The following KDM4B variants were observed in gnomAD, a reference collection of about 807,000 sequenced individuals.
KDM4B encodes lysine demethylase 4B, also known as lysine-specific demethylase 4B.
Under a neutral mutation model 125.2 loss-of-function variants are expected in KDM4B, and 32 were observed. That is an observed-to-expected ratio of 0.26 (90% CI 0.19 to 0.34). KDM4B has a LOEUF of 0.34. Among genes scored for constraint, KDM4B ranks in the 10% least tolerant of loss-of-function variants. The probability of loss-of-function intolerance (pLI) is 1.00; values close to 1 mark genes in which losing one functional copy is unlikely to be tolerated. For synonymous variants in KDM4B, 721 were observed against 677.9 expected (o/e 1.06, Z -0.99); for missense variants, 1,190 against 1,577.7 (o/e 0.75, Z 4.16).
At chr19:5,095,634 T>C (rs972632300) in intron 9 of KDM4B, among the ~76,000 whole-genome samples, 1 of 151,830 alleles carries the variant, frequency 6.6e-6, no homozygotes, top group Non-Finnish European at 1.5e-5. Context: ...CGCAAGGGGC[T>C]GGCCAGGGCA....
intron 9 of KDM4B, among the ~76,000 whole-genome samples, chr19:5,102,646 G>A (rs920647871): frequency 1.3e-5 from 2 of 152,170 alleles, no homozygotes; most frequent in African/African-American, 2.4e-5. Context: ...CACCACAGCA[G>A]GGAATCGAGG....
chr19:5,131,768 C>A, intron 12 of KDM4B, 119 bp from the exon 13 acceptor site: 1 of 1,258,880 alleles, frequency 7.9e-7, no homozygotes, highest in Non-Finnish European at 1.1e-6. Context: ...TTTGCTGGGA[C>A]AGTCACCCCA....
rs1484389938 is a variant in KDM4B at position 5,081,907 on chromosome 19, C to T, written c.781-460C>T. ...AAGCTGCTGTCAGCACCACCCGCCC[C>T]GAAACCAGCCCCAGCTGCTTCAGGA... On this transcript the variant is annotated intron_variant, in intron 8 of 22. Coordinates refer to ENST00000159111, the MANE Select transcript of KDM4B (RefSeq NM_015015.3). The surrounding 1 kb of genome is among the most constrained non-coding windows in gnomAD (Gnocchi z 4.2). 6.6e-6 allele frequency among the ~76,000 whole-genome samples: 1 copy of T among 152,220 alleles called. No homozygotes were observed. The highest frequency in any genetic ancestry group is 1.5e-5 in the Non-Finnish European group (1 of 68,030).
chr19:5,092,491 C>CG (rs1020490290), intron 9 of KDM4B, among the ~76,000 whole-genome samples: 28 of 152,162 alleles, frequency 1.8e-4, no homozygotes, highest in African/African-American at 4.8e-4. Flanking sequence ...CCAGGAGCTC[C>CG]GGGGGGGACA....
chr19:5,092,639 T>C (rs1403927806), intron 9 of KDM4B, among the ~76,000 whole-genome samples: 1 of 152,188 alleles, frequency 6.6e-6, no homozygotes, highest in Non-Finnish European at 1.5e-5. Context: ...TGCAGCTGGT[T>C]GCTGCCTGGC....
chr19:5,062,927 T>C (rs757423685), intron 6 of KDM4B, among the ~76,000 whole-genome samples: 2 of 152,020 alleles, frequency 1.3e-5, no homozygotes, highest in East Asian at 1.9e-4. Flanking sequence ...AACACAGGCA[T>C]GCACCATCAC....
chr19:5,063,083 G>T (rs1455934923), intron 6 of KDM4B, among the ~76,000 whole-genome samples: 2 of 152,008 alleles, frequency 1.3e-5, no homozygotes, highest in African/African-American at 4.8e-5. Context: ...GGCAGGTTGT[G>T]TCCTCTCCTG....
Position 5,114,325 on chromosome 19 carries a change from C to A in KDM4B, c.1115+3507C>A. ...TGGGCCCAGGCCTCGTCTCCCCTAC[C>A]CCTCCGAGCTCGGTGCTGCCTGTCC... On this transcript the variant is annotated intron_variant, in intron 10 of 22. Coordinates refer to ENST00000159111, the MANE Select transcript of KDM4B (RefSeq NM_015015.3). The surrounding 1 kb of genome is among the most constrained non-coding windows in gnomAD (Gnocchi z 5.8). 2 of 963,134 alleles carry A rather than the reference C, an allele frequency of 2.1e-6. No individual in the cohort carries two copies. The highest frequency in any genetic ancestry group is 2.9e-6 in the Non-Finnish European group (2 of 690,562). The allele number at this position is 963,134 out of a possible 1,614,324, so 59.7% of individuals were successfully genotyped here. A position where few individuals can be genotyped will look rare whatever the true frequency, so the allele number is the denominator to read the frequency against.
chr19:5,094,784 C>T (rs903564671), intron 9 of KDM4B, among the ~76,000 whole-genome samples: 2 of 152,144 alleles, frequency 1.3e-5, no homozygotes, highest in Non-Finnish European at 2.9e-5. Context: ...CACGTAGCAC[C>T]GTATCCATTA....
At chr19:5,057,236 C>T (rs566353159) in intron 6 of KDM4B, among the ~76,000 whole-genome samples, 4 of 152,190 alleles carry the variant, frequency 2.6e-5, no homozygotes, top group South Asian at 2.1e-4. Flanking sequence ...TTTGCCAGGC[C>T]GCGTGTGCCT....
chr19:5,122,432 A>C (rs527367460), intron 11 of KDM4B, among the ~76,000 whole-genome samples: 1 of 152,338 alleles, frequency 6.6e-6, no homozygotes, highest in Admixed American at 6.5e-5. Context: ...AAGGATGCAG[A>C]TGCCTTTGGG....
chr19:5,124,999 A>C (rs1295211846), intron 11 of KDM4B, among the ~76,000 whole-genome samples: 1 of 151,926 alleles, frequency 6.6e-6, no homozygotes, highest in Non-Finnish European at 1.5e-5. Context: ...TCCTGGGCTC[A>C]AGCAGTTCTC....
In KDM4B at chr19:5,141,781, C is replaced by T. The variant is rs779424420; in HGVS notation, c.2551-2186C>T. ...TGCTGCTGAGAAGCTTCTCACCTAC[C>T]GGCTGGGCAGGTTCCTGGCAGCAGG... On this transcript the variant is annotated intron_variant, in intron 18 of 22. Transcript: ENST00000159111. The surrounding 1 kb of genome is among the most constrained non-coding windows in gnomAD (Gnocchi z 6.4). Among the ~76,000 whole-genome samples, 11 of 152,170 alleles carry T rather than the reference C, an allele frequency of 7.2e-5. No homozygotes were observed. The highest frequency in any genetic ancestry group is 1.5e-4 in the Non-Finnish European group (10 of 68,028).
chr19:5,023,271 G>A (rs2145571813), intron 2 of KDM4B, among the ~76,000 whole-genome samples: 1 of 152,332 alleles, frequency 6.6e-6, no homozygotes, highest in African/African-American at 2.4e-5. Flanking sequence ...CTCGTGCCAA[G>A]GTTTTCTCTT....
rs528841749 is a variant in KDM4B at position 4,971,476 on chromosome 19, C to T, written c.-109+2246C>T. On this transcript the variant is annotated intron_variant, in intron 1 of 22. Transcript: ENST00000159111. The surrounding 1 kb of genome is among the most constrained non-coding windows in gnomAD (Gnocchi z 4.1). ...ATGCCCCACCCACTCCCTGATGAGC[C>T]GGGGAGGAGCCTCAGCTCTGGGGAA... Among the ~76,000 whole-genome samples, 1 of 152,232 alleles carries T rather than the reference C, an allele frequency of 6.6e-6. No individual in the cohort carries two copies. The highest frequency in any genetic ancestry group is 2.1e-4 in the South Asian group (1 of 4,820).
At chr19:5,012,308 C>T (rs986363055) in intron 1 of KDM4B, among the ~76,000 whole-genome samples, 2 of 152,232 alleles carry the variant, frequency 1.3e-5, no homozygotes, top group East Asian at 1.9e-4. Flanking sequence ...TGCCACCCCC[C>T]ACCCGTTTTC....
intron 6 of KDM4B, among the ~76,000 whole-genome samples, chr19:5,059,579 A>G (rs1482464725): frequency 1.3e-5 from 2 of 152,198 alleles, no homozygotes; most frequent in African/African-American, 4.8e-5. Context: ...GGTCATAGGA[A>G]CAGGAGCGCG....
chr19:5,041,786 G>C (rs1020153902), intron 5 of KDM4B, among the ~76,000 whole-genome samples: 1 of 152,220 alleles, frequency 6.6e-6, no homozygotes, highest in Non-Finnish European at 1.5e-5. Flanking sequence ...CAGGCATAAG[G>C]TCCCCCAGGC....
At chr19:5,111,699 C>A (rs185478520) in intron 10 of KDM4B, 1 of 749,082 alleles carries the variant, frequency 1.3e-6, no homozygotes, top group East Asian at 2.4e-5. Context: ...CCGGGAGGGA[C>A]GGCACAGAGT....
Sources: allele counts gnomAD v4.1 joint callset (sites outside exome capture counted in the v4.1 genomes callset), GRCh38; gene constraint gnomAD v4.1.1; non-coding constraint Gnocchi (gnomAD v3.1); transcripts MANE v1.5; gene names NCBI Gene and HGNC (gene_info 2026-07-23, HGNC 2026-07-21).